Variants in PPP2R3B observed in about 807,000 individuals in gnomAD.
PPP2R3B encodes protein phosphatase 2 regulatory subunit B''beta.
A neutral mutation model predicts 72.9 loss-of-function variants in PPP2R3B; 68 were observed. The ratio of observed to expected loss-of-function variants is 0.93; its 90% CI spans 0.77 to 1.14. The LOEUF (loss-of-function observed/expected upper bound fraction) is 1.14. Ranked by LOEUF, PPP2R3B falls within the 50% of genes most tolerant of loss-of-function variation. The pLI is 0.00. For synonymous variants in PPP2R3B, 466 were observed against 375.8 expected (o/e 1.24, Z -2.78); for missense variants, 1,018 against 842.0 (o/e 1.21, Z -2.59).
At chrX:360,309 G>A (rs752533786) in intron 2 of PPP2R3B, among the ~76,000 whole-genome samples, 17 of 152,280 alleles carry the variant, frequency 1.1e-4, no homozygotes, top group African/African-American at 2.2e-4. Flanking sequence ...CGAGGCAGGC[G>A]GATCACTTGA....
chrX:351,037 G>T (rs939870482), intron 2 of PPP2R3B, among the ~76,000 whole-genome samples: 2 of 152,188 alleles, frequency 1.3e-5, no homozygotes, highest in Non-Finnish European at 2.9e-5. Flanking sequence ...ACTGCAGAGG[G>T]GGCTGCGCGC....
intron 5 of PPP2R3B, 118 bp from the exon 6 acceptor site, chrX:346,378 G>A: frequency 1.0e-6 from 1 of 977,780 alleles, no homozygotes; most frequent in East Asian, 2.7e-5. Flanking sequence ...GGGGCCGCCA[G>A]GGCACAGGCG....
intron 1 of PPP2R3B, among the ~76,000 whole-genome samples, chrX:371,754 C>T (rs1362777118): frequency 2.0e-5 from 3 of 152,124 alleles, no homozygotes; most frequent in Admixed American, 2.0e-4. Flanking sequence ...ACCCAACAGA[C>T]AGAGCCCACA....
chrX:334,692 C>A, intron 12 of PPP2R3B, 175 bp from the exon 13 acceptor site: 1 of 744,554 alleles, frequency 1.3e-6, no homozygotes, highest in Non-Finnish European at 2.0e-6. Flanking sequence ...ACGCCGGCTC[C>A]ACGAATGCTC....
intron 1 of PPP2R3B, among the ~76,000 whole-genome samples, chrX:380,899 G>A (rs1024304367): frequency 6.7e-6 from 1 of 150,132 alleles, no homozygotes; most frequent in African/African-American, 2.4e-5. Flanking sequence ...GAAGCACCCT[G>A]GCTTGCAGCA....
chrX:382,053 T>C (rs2072137900), intron 1 of PPP2R3B, among the ~76,000 whole-genome samples: 1 of 152,146 alleles, frequency 6.6e-6, no homozygotes, highest in Non-Finnish European at 1.5e-5. Flanking sequence ...TTTTGAAAAT[T>C]CTTGCCATCT....
At chrX:335,628 G>A (rs925998166) in intron 12 of PPP2R3B, 8 of 152,244 alleles carry the variant, frequency 5.3e-5, no homozygotes, top group African/African-American at 1.9e-4. Context: ...CGGTGTCCAT[G>A]GCCCACGTCG....
intron 12 of PPP2R3B, chrX:336,681 T>C (rs1398910102): frequency 6.6e-6 from 1 of 152,210 alleles, no homozygotes; most frequent in Non-Finnish European, 1.5e-5. Context: ...TAAGTGAGTT[T>C]CATGAAGGTG....
Position 347,654 on chromosome X carries a change from A to C in PPP2R3B, c.550T>G (p.Tyr184Asp). ...CPLYWKGPLF[Y>D]GAGGERTGSV... Reference sequence around the variant, plus strand: ...CCCGTGCGCTCCCCGCCGGCGCCATAGAAGAGCGGCCCCTTCCAGTAGAGG... The same window carrying C: ...CCCGTGCGCTCCCCGCCGGCGCCATCGAAGAGCGGCCCCTTCCAGTAGAGG... Residue 184 changes from tyrosine (Y) to aspartate (D), a missense_variant, in exon 3 of 13, where the codon TAT becomes GAT. Coordinates refer to ENST00000390665, the MANE Select transcript of PPP2R3B (RefSeq NM_013239.5). 6.4e-7 allele frequency: 1 copy of C among 1,568,004 alleles called. No homozygotes were observed. Among genetic ancestry groups the C allele is most frequent in the Non-Finnish European group, 8.6e-7 (1 of 1,157,468 alleles).
At chrX:350,908 T>A (rs1237664600) in intron 2 of PPP2R3B, among the ~76,000 whole-genome samples, 1 of 151,950 alleles carries the variant, frequency 6.6e-6, no homozygotes, top group Non-Finnish European at 1.5e-5. Context: ...GTCGGCTGCT[T>A]GGTTCACGGT....
At chrX:383,837 CAAAAAAAAAAAAAA>C (rs757960788) in intron 1 of PPP2R3B, among the ~76,000 whole-genome samples, 1,482 of 45,644 alleles carry the variant, frequency 0.032, 41 homozygotes, top group African/African-American at 0.093. Context: ...GACTCCGTCT[CAAAAAAAAAAAAAA>C]AAAAAAAAAA....
At chrX:345,153 C>T in intron 7 of PPP2R3B, 1 of 523,888 alleles carries the variant, frequency 1.9e-6, no homozygotes, top group African/African-American at 1.9e-5. Flanking sequence ...GCCTTGGGGG[C>T]TGGAACCTGG....
intron 1 of PPP2R3B, among the ~76,000 whole-genome samples, chrX:363,519 AT>A: frequency 7.0e-6 from 1 of 142,094 alleles, no homozygotes; most frequent in Non-Finnish European, 1.5e-5. Flanking sequence ...CGAGCCCGCG[AT>A]CCCGCAGTGC....
chrX:361,689 G>A lies in PPP2R3B; in HGVS notation c.325-99C>T, dbSNP rs2071545123. On this transcript the variant is annotated intron_variant, in intron 1 of 12. Transcript: ENST00000390665. ...GGGCCTCTCTAGGGCCGACAGTGCT[G>A]AGGCCACCTGATCCCAGCCGGGAGA... 1.1e-5 allele frequency: 15 copies of A among 1,385,736 alleles called. No individual in the cohort carries two copies. In the South Asian group the frequency reaches 1.4e-4, roughly 13 times the overall value. The allele number at this position is 1,385,736 out of a possible 1,614,324, so 85.8% of individuals were successfully genotyped here.
intron 2 of PPP2R3B, among the ~76,000 whole-genome samples, chrX:357,677 A>G (rs2071463835): frequency 6.6e-6 from 1 of 152,188 alleles, no homozygotes; most frequent in Non-Finnish European, 1.5e-5. Flanking sequence ...AATGTAAATC[A>G]TCAAAATAGT....
chrX:369,704 G>A (rs1197617671), intron 1 of PPP2R3B, among the ~76,000 whole-genome samples: 1 of 152,228 alleles, frequency 6.6e-6, no homozygotes. Context: ...AGGGCGCGGT[G>A]ACCAGCAGAA....
chrX:356,833 C>CAGTATCCACACCCTGCCAGCCCCAG (rs753209150), intron 2 of PPP2R3B, among the ~76,000 whole-genome samples: 1 of 131,548 alleles, frequency 7.6e-6, no homozygotes, highest in Admixed American at 8.4e-5. Flanking sequence ...GGGAGCCCCA[C>CAGTATCCACACCCTGCCAGCCCCAG]GGTAACCACG....
rs759169680 is a variant in PPP2R3B at position 338,674 on chromosome X, C to G, written c.1507G>C (p.Glu503Gln). ...DSGGPELSDW[E>Q]KYAAEEYDIL... The stretch of plus-strand genomic sequence containing the variant: ...TCGTACTCCTCGGCCGCGTACTTCT[C>G]CCAGTCCGAGAGCTCGGGGCCGCCG... Residue 503 changes from glutamate to glutamine, a missense_variant, in exon 12 of 13, where the codon GAG becomes CAG. Glu to Gln is a conservative substitution (Grantham distance 29). Coordinates refer to ENST00000390665, the MANE Select transcript of PPP2R3B (RefSeq NM_013239.5). 1 of 1,611,646 alleles carries G rather than the reference C, an allele frequency of 6.2e-7. No individual in the cohort carries two copies. The highest frequency in any genetic ancestry group is 8.5e-7 in the Non-Finnish European group (1 of 1,179,656).
chrX:370,435 C>A (rs1278663993), intron 1 of PPP2R3B, among the ~76,000 whole-genome samples: 1 of 152,160 alleles, frequency 6.6e-6, no homozygotes, highest in Non-Finnish European at 1.5e-5. Flanking sequence ...TGAGTCTCCA[C>A]AGAGCTCGGA....
Sources: gnomAD v4.1 joint callset for allele counts (sites outside exome capture counted in the v4.1 genomes callset) on GRCh38, gnomAD v4.1.1 for gene constraint, MANE v1.5 for transcripts, NCBI Gene and HGNC (gene_info 2026-07-23, HGNC 2026-07-21) for gene names.